The following FURIN variants were observed in gnomAD, a reference collection of about 807,000 sequenced individuals.
FURIN encodes the protein furin, paired basic amino acid cleaving enzyme, also known as FES upstream region.
In FURIN, 18 loss-of-function variants were observed where a neutral mutation model predicts 89.2. The observed-to-expected ratio is 0.20, with a 90% confidence interval of 0.14 to 0.30. The LOEUF is 0.30. Among genes scored for constraint, FURIN ranks in the 10% least tolerant of loss-of-function variants. The pLI, the probability that FURIN is intolerant of heterozygous loss-of-function variation, is 1.00. For synonymous variants in FURIN, 508 were observed against 466.4 expected (o/e 1.09, Z -1.15); for missense variants, 879 against 1,100.5 (o/e 0.80, Z 2.85).
At chr15:90,874,152 C>G (rs79877835) in intron 1 of FURIN, among the ~76,000 whole-genome samples, 29 of 152,370 alleles carry the variant, frequency 1.9e-4, no homozygotes, top group East Asian at 9.6e-4. Context: ...AGCTTCCCCC[C>G]CTTCCTCCAG....
At chr15:90,868,973 C>A (rs2031164026) in intron 1 of FURIN, among the ~76,000 whole-genome samples, 1 of 152,080 alleles carries the variant, frequency 6.6e-6, no homozygotes, top group South Asian at 2.1e-4. Context: ...TGAGGTGGAC[C>A]AGAGATTTCA....
intron 1 of FURIN, among the ~76,000 whole-genome samples, chr15:90,873,313 C>T (rs1015062017): frequency 1.3e-5 from 2 of 152,102 alleles, no homozygotes; most frequent in African/African-American, 2.4e-5. Flanking sequence ...TGTTCAGTTG[C>T]GCCTGACGCC....
chr15:90,880,130 G>T lies in FURIN; in HGVS notation c.1413G>T (p.Val471=). Residue 471 remains valine (V), a synonymous_variant, in exon 13 of 16, where the codon GTG becomes GTT. Coordinates refer to ENST00000268171, the MANE Select transcript of FURIN (RefSeq NM_002569.4). The part of the protein sequence containing the change: ...IGKRLEVRKT[V]TACLGEPNHI... The stretch of plus-strand genomic sequence containing the variant: ...AACGGCTCGAGGTGCGGAAGACCGT[G>T]ACCGCGTGCCTGGGCGAGCCCAACC... 1 of 1,609,234 alleles carries T rather than the reference G, an allele frequency of 6.2e-7. No homozygotes were observed. Among genetic ancestry groups the T allele is most frequent in the Non-Finnish European group, 8.5e-7 (1 of 1,177,222 alleles).
chr15:90,878,369 G>A, intron 8 of FURIN, 65 bp downstream of exon 8: 2 of 1,325,306 alleles, frequency 1.5e-6, no homozygotes, highest in Non-Finnish European at 2.0e-6. Context: ...CCTATCTTGT[G>A]TTTTTTGGTT....
Position 90,879,915 on chromosome 15 carries a change from C to T in FURIN, c.1307C>T (p.Ala436Val), listed in dbSNP as rs1337906832. The change falls in exon 12 of 16, where the codon GCC becomes GTC. Residue 436 changes from alanine (A) to valine (V), a missense_variant. Physicochemically the swap from Ala to Val is moderately conservative, Grantham distance 64. Transcript: ENST00000268171. ...CTTTTGGACGCAGGCGCCATGGTGG[C>T]CCTGGCCCAGAATTGGACCACAGTG... ...YGLLDAGAMVALAQNWTTVAP... is the reference protein window; with the variant it reads ...YGLLDAGAMVVLAQNWTTVAP... 19 of 1,613,396 alleles carry T rather than the reference C, an allele frequency of 1.2e-5. No individual in the cohort carries two copies. Among genetic ancestry groups the T allele is most frequent in the Non-Finnish European group, 1.6e-5 (19 of 1,180,020 alleles).
chr15:90,874,170 G>C (rs1298264320), intron 1 of FURIN, among the ~76,000 whole-genome samples: 1 of 152,262 alleles, frequency 6.6e-6, no homozygotes, highest in East Asian at 1.9e-4. Context: ...CAGGGCCTTG[G>C]CTTCTGGCTA....
chr15:90,879,801 G>A (rs777887662), intron 11 of FURIN, 27 bp downstream of exon 11: 1 of 1,609,590 alleles, frequency 6.2e-7, no homozygotes, highest in East Asian at 2.2e-5. Flanking sequence ...CCGGCAGGCT[G>A]GATGTGGAGT....
Position 90,883,321 on chromosome 15 carries a change from T to A in FURIN, c.*1443T>A, listed in dbSNP as rs566102837. ...GCCCTCGTGGCCAGCCCGGCTGGTT[T>A]TGTAAGATGCTGGGTTGGTGCACAG... On this transcript the variant is annotated 3_prime_UTR_variant, in exon 16 of 16. Coordinates refer to ENST00000268171, the MANE Select transcript of FURIN (RefSeq NM_002569.4). 2 of 153,486 alleles carry A rather than the reference T, an allele frequency of 1.3e-5. No homozygotes were observed. The highest frequency in any genetic ancestry group is 3.8e-4 in the East Asian group (2 of 5,282). 9.5% of individuals were successfully genotyped at this position (153,486 alleles called of 1,614,324 possible). A position where few individuals can be genotyped will look rare whatever the true frequency, so the allele number is the denominator to read the frequency against.
rs755038652 is a variant in FURIN at position 90,876,457 on chromosome 15, C to T, written c.277-5C>T. Reference sequence around the variant, plus strand: ...CCACACCATCTCTCCCTCACTCCCCCACAGGTACAGTGGCTGGAACAGCAG... The same window carrying T: ...CCACACCATCTCTCCCTCACTCCCCTACAGGTACAGTGGCTGGAACAGCAG... On this transcript the variant is annotated splice_region_variant and splice_polypyrimidine_tract_variant and intron_variant, in intron 3 of 15. Transcript: ENST00000268171. The surrounding 1 kb of genome is among the most constrained non-coding windows in gnomAD (Gnocchi z 5.0). 12 of 1,610,146 alleles carry T rather than the reference C, an allele frequency of 7.5e-6. No individual in the cohort carries two copies. The highest frequency in any genetic ancestry group is 2.2e-5 in the South Asian group (2 of 91,006).
Position 90,881,668 on chromosome 15 carries a change from C to G in FURIN, c.2175C>G (p.Ile725Met), listed in dbSNP as rs376428494. Reference protein sequence around the residue: ...EVVAGLSCAFIVLVFVTVFLV... With the variant: ...EVVAGLSCAFMVLVFVTVFLV... Reference sequence around the variant, plus strand: ...TGGCCGGCCTCAGCTGCGCCTTCATCGTGCTGGTCTTCGTCACTGTCTTCC... The same window carrying G: ...TGGCCGGCCTCAGCTGCGCCTTCATGGTGCTGGTCTTCGTCACTGTCTTCC... Residue 725 changes from isoleucine (I) to methionine (M), a missense_variant, in exon 16 of 16, where the codon ATC becomes ATG. By Grantham distance (10) the Ile-to-Met change is conservative (BLOSUM62 1). This residue lies in a region of FURIN where 457 missense variants were observed against 490.7 expected (regional missense o/e 0.93). Transcript: ENST00000268171. This position sits in a 1 kb window ranked among gnomAD's most constrained non-coding sequence, Gnocchi z 4.3. 8.2e-6 allele frequency: 13 copies of G among 1,584,712 alleles called. No individual in the cohort carries two copies. Among genetic ancestry groups the G allele is most frequent in the South Asian group, 1.1e-5 (1 of 87,084 alleles).
At chr15:90,870,073 C>T (rs1393513755) in intron 1 of FURIN, among the ~76,000 whole-genome samples, 1 of 152,230 alleles carries the variant, frequency 6.6e-6, no homozygotes, top group Non-Finnish European at 1.5e-5. Context: ...TTTGAGGACC[C>T]AGCATTGTTC....
In FURIN at chr15:90,876,566, CCTT is replaced by C. The variant is rs1310554818; in HGVS notation, c.372+14_372+16del. 32 of 1,568,134 alleles carry C rather than the reference CCTT, an allele frequency of 2.0e-5. 1 individual carries two copies. Among genetic ancestry groups the C allele is most frequent in the African/African-American group, 2.7e-5 (2 of 74,042 alleles). On this transcript the variant is annotated intron_variant, in intron 4 of 15. Coordinates refer to ENST00000268171, the MANE Select transcript of FURIN (RefSeq NM_002569.4). The surrounding 1 kb of genome is among the most constrained non-coding windows in gnomAD (Gnocchi z 5.0). ...CTCAGCAGTGGTACCTGGTACGTGG[CCTT>C]CTTCGCTGCTGGGACCTCCTCCCCA...
chr15:90,870,614 G>A (rs894091939), intron 1 of FURIN, among the ~76,000 whole-genome samples: 1 of 152,168 alleles, frequency 6.6e-6, no homozygotes, highest in Admixed American at 6.5e-5. Context: ...GGAAGCTCCT[G>A]GCCACATTTT....
rs369129977 is a variant in FURIN at position 90,872,739 on chromosome 15, A to C, written c.-159-2843A>C. The C allele has an allele frequency of 3.3e-5, 5 of 152,300 alleles. No homozygotes were observed. The East Asian group carries it at 7.7e-4, about 24-fold the overall frequency. 9.4% of individuals were successfully genotyped at this position (152,300 alleles called of 1,614,324 possible). ...TAGTGGGCAGGGACTGGGAGCGATA[A>C]ATTCACGGGAGCCTCCCAGGGCTGG... On this transcript the variant is annotated intron_variant, in intron 1 of 15. Coordinates refer to ENST00000268171, the MANE Select transcript of FURIN (RefSeq NM_002569.4).
Position 90,879,430 on chromosome 15 carries a change from T to A in FURIN, c.1054-14T>A. On this transcript the variant is annotated splice_polypyrimidine_tract_variant and intron_variant, in intron 9 of 15. Transcript: ENST00000268171. ...CACCCATCACAGGCCCCAATATGATTCTCTTCCTGGCAGGTGACGACTGAC... is the reference window on the plus strand; with the variant it reads ...CACCCATCACAGGCCCCAATATGATACTCTTCCTGGCAGGTGACGACTGAC... 1 of 1,593,638 alleles carries A rather than the reference T, an allele frequency of 6.3e-7. No individual in the cohort carries two copies.
At position 90,875,804 on chromosome 15, in the gene FURIN, G is replaced by A; in HGVS notation, c.64G>A (p.Ala22Thr). Reference sequence around the variant, plus strand: ...AACAGGAACCTTGGTCCTGCTAGCAGCTGATGCTCAGGGCCAGAAGGTCTT... The same window carrying A: ...AACAGGAACCTTGGTCCTGCTAGCAACTGATGCTCAGGGCCAGAAGGTCTT... ...AATGTLVLLAADAQGQKVFTN... is the reference protein window; with the variant it reads ...AATGTLVLLATDAQGQKVFTN... Residue 22 changes from alanine (A) to threonine (T), a missense_variant, in exon 2 of 16, where the codon GCT (alanine) becomes ACT (threonine). Around this residue, in one of 5 missense-constraint regions of FURIN, gnomAD observed 125 missense variants for 125.0 expected, o/e 1.00. Coordinates refer to ENST00000268171, the MANE Select transcript of FURIN (RefSeq NM_002569.4). The A allele has an allele frequency of 6.4e-7, 1 of 1,562,020 alleles. No homozygotes were observed. Among genetic ancestry groups the A allele is most frequent in the Admixed American group, 1.9e-5 (1 of 51,544 alleles).
At chr15:90,874,525 C>T (rs1157134951) in intron 1 of FURIN, among the ~76,000 whole-genome samples, 2 of 152,260 alleles carry the variant, frequency 1.3e-5, no homozygotes, top group Admixed American at 6.5e-5. Flanking sequence ...GTGATCTCCA[C>T]CCCCGCACCC....
At chr15:90,871,497 CG>C (rs2151218351) in intron 1 of FURIN, 3 of 1,454 alleles carry the variant, frequency 2.1e-3, no homozygotes, top group Admixed American at 0.013. Context: ...GGGCCCACGG[CG>C]CTGGGAACGC....
At position 90,880,956 on chromosome 15, in the gene FURIN, C is replaced by G; in HGVS notation, c.1708C>G (p.Leu570Val). The G allele has an allele frequency of 1.2e-6, 2 of 1,614,076 alleles. No homozygotes were observed. The highest frequency in any genetic ancestry group is 1.7e-6 in the Non-Finnish European group (2 of 1,179,934). ...GACGCTGACCAAGTTCACCCTCGTA[C>G]TCTATGGCACCGCCCCTGAGGGGCT... is the stretch of plus-strand genomic sequence containing the variant. The part of the protein sequence containing the change: ...YGTLTKFTLV[L>V]YGTAPEGLPV... The change falls in exon 15 of 16, where the codon CTC becomes GTC. Residue 570 changes from leucine (L) to valine (V), a missense_variant. Physicochemically the swap from Leu to Val is conservative, Grantham distance 32. Coordinates refer to ENST00000268171, the MANE Select transcript of FURIN (RefSeq NM_002569.4).
Sources: gnomAD v4.1 joint callset for allele counts (sites outside exome capture counted in the v4.1 genomes callset) on GRCh38, gnomAD v4.1.1 for gene constraint, gnomAD v4.1.1 regional missense constraint, Gnocchi (gnomAD v3.1) non-coding constraint, MANE v1.5 for transcripts, NCBI Gene and HGNC (gene_info 2026-07-23, HGNC 2026-07-21) for gene names.